Variants in SFMBT2 observed in about 807,000 individuals in gnomAD.
The protein encoded by SFMBT2 is Scm like with four mbt domains 2, also known as scm-like with four MBT domains protein 2.
In SFMBT2, 38 loss-of-function variants were observed where a neutral mutation model predicts 110.1. The observed-to-expected ratio is 0.35, with a 90% CI of 0.27 to 0.45. SFMBT2 has a LOEUF of 0.45. Ranked by LOEUF, SFMBT2 falls within the 20% of genes least tolerant of loss-of-function variation. The probability of loss-of-function intolerance (pLI) is 1.00; values close to 1 mark genes in which losing one functional copy is unlikely to be tolerated. For synonymous variants in SFMBT2, 425 were observed against 425.4 expected (o/e 1.00, Z 0.01); for missense variants, 1,011 against 1,094.9 (o/e 0.92, Z 1.08).
intron 7 of SFMBT2, among the ~76,000 whole-genome samples, chr10:7,257,420 AACC>A (rs772183308): frequency 6.6e-5 from 10 of 152,174 alleles, no homozygotes; most frequent in Non-Finnish European, 1.2e-4. Flanking sequence ...AGGAGGAGTG[AACC>A]ATCGCTGCGG....
intron 12 of SFMBT2, chr10:7,204,543 A>G: frequency 1.1e-6 from 1 of 939,636 alleles, no homozygotes; most frequent in Non-Finnish European, 1.3e-6. Flanking sequence ...GAAGATTTTT[A>G]AATGGTACCA....
intron 12 of SFMBT2, chr10:7,205,253 A>G (rs1218585988): frequency 3.9e-6 from 1 of 256,234 alleles, no homozygotes; most frequent in Non-Finnish European, 6.1e-6. Flanking sequence ...ATTTACTTAT[A>G]TATGTACTTC....
chr10:7,168,383 ATT>A (rs1397982793), intron 20 of SFMBT2, among the ~76,000 whole-genome samples: 1 of 152,016 alleles, frequency 6.6e-6, no homozygotes, highest in East Asian at 1.9e-4. Flanking sequence ...GCCTAACTAA[ATT>A]TTTTTTTATT....
intron 1 of SFMBT2, among the ~76,000 whole-genome samples, chr10:7,402,239 CAG>C (rs776842134): frequency 6.6e-6 from 1 of 151,952 alleles, no homozygotes; most frequent in Non-Finnish European, 1.5e-5. Context: ...GTAAAAGAAT[CAG>C]AGAGATTTTT....
rs548268086 is a variant in SFMBT2, at chr10:7,324,944, C to T, written c.437-38990G>A. Among the ~76,000 whole-genome samples the T allele has an allele frequency of 1.1e-3, 161 of 147,282 alleles. 3 individuals carry two copies. The highest frequency in any genetic ancestry group is 3.9e-3 in the African/African-American group (156 of 39,526). Reference sequence around the variant, plus strand: ...TTATGTCCTCACTGAGCCTTAATTACTTCCTTAGAGGCCCCACTTTTTTTT... The same window carrying T: ...TTATGTCCTCACTGAGCCTTAATTATTTCCTTAGAGGCCCCACTTTTTTTT... On this transcript the variant is annotated intron_variant, in intron 4 of 20. Coordinates refer to ENST00000397167, the MANE Select transcript of SFMBT2 (RefSeq NM_001387889.1).
At chr10:7,390,315 T>G (rs1402367502) in intron 1 of SFMBT2, among the ~76,000 whole-genome samples, 1 of 152,170 alleles carries the variant, frequency 6.6e-6, no homozygotes, top group Non-Finnish European at 1.5e-5. Context: ...GTCTTAAAAG[T>G]TTTAATGTAA....
At chr10:7,404,948 A>G (rs112774474) in intron 1 of SFMBT2, among the ~76,000 whole-genome samples, 75 of 152,354 alleles carry the variant, frequency 4.9e-4, no homozygotes, top group African/African-American at 1.7e-3. Flanking sequence ...TTCTAAGCAG[A>G]CTATCTTCCC....
At chr10:7,270,839 T>C (rs7917758) in intron 7 of SFMBT2, among the ~76,000 whole-genome samples, 3,409 of 152,320 alleles carry the variant, frequency 0.022, 109 homozygotes, top group African/African-American at 0.077. Flanking sequence ...CAGCACATAA[T>C]AGCTTTGTGC....
At position 7,367,708 on chromosome 10, in the gene SFMBT2, G is replaced by A. The variant is rs1056373517; in HGVS notation, c.377C>T (p.Ala126Val). The change falls in exon 4 of 21, where the codon GCG (alanine) becomes GTG (valine). Residue 126 changes from alanine to valine, a missense_variant. Physicochemically the swap from Ala to Val is moderately conservative, Grantham distance 64. Coordinates refer to ENST00000397167, the MANE Select transcript of SFMBT2 (RefSeq NM_001387889.1). The surrounding 1 kb of genome is among the most constrained non-coding windows in gnomAD (Gnocchi z 6.2). ...GCACCACCCCACGGGGTGCAAATCCGCGATGACTACGTCACACCAGAAGTC... is the reference window on the plus strand; with the variant it reads ...GCACCACCCCACGGGGTGCAAATCCACGATGACTACGTCACACCAGAAGTC... ...RADFWCDVVI[A>V]DLHPVGWCTQ... The A allele has an allele frequency of 2.5e-6, 4 of 1,613,968 alleles. No homozygotes were observed. Among genetic ancestry groups the A allele is most frequent in the Non-Finnish European group, 3.4e-6 (4 of 1,180,038 alleles).
At chr10:7,219,017 T>C (rs1763114675) in intron 11 of SFMBT2, among the ~76,000 whole-genome samples, 2 of 152,218 alleles carry the variant, frequency 1.3e-5, no homozygotes, top group South Asian at 4.1e-4. Context: ...GTAATAAGGA[T>C]AAAACATGGG....
rs552262704 is a variant in SFMBT2 at position 7,319,508 on chromosome 10, C to T, written c.437-33554G>A. On this transcript the variant is annotated intron_variant, in intron 4 of 20. Coordinates refer to ENST00000397167, the MANE Select transcript of SFMBT2 (RefSeq NM_001387889.1). ...TCACGTACAAAGGTACACTTATTTC[C>T]GGATGTCTTAAGAAATTCCCAGAGT... 1.9e-4 allele frequency among the ~76,000 whole-genome samples: 29 copies of T among 152,256 alleles called. 1 individual carries two copies. The highest frequency in any genetic ancestry group is 5.2e-4 in the Admixed American group (8 of 15,290).
intron 9 of SFMBT2, among the ~76,000 whole-genome samples, chr10:7,228,745 TCTCTCTCTCTCTC>T (rs1840014517): frequency 1.4e-5 from 1 of 73,900 alleles, no homozygotes; most frequent in Non-Finnish European, 2.9e-5. Context: ...CCTTTCTCTC[TCTCTCTCTCTCTC>T]TCTCTCTCTC....
At position 7,381,805 on chromosome 10, in the gene SFMBT2, C is replaced by G; in HGVS notation, c.94G>C (p.Asp32His). 6.2e-7 allele frequency: 1 copy of G among 1,613,060 alleles called. No individual in the cohort carries two copies. Among genetic ancestry groups the G allele is most frequent in the Non-Finnish European group, 8.5e-7 (1 of 1,179,502 alleles). Residue 32 changes from aspartate (D) to histidine (H), a missense_variant, in exon 2 of 21, where the codon GAT (aspartate) becomes CAT (histidine). Physicochemically the swap from Asp to His is moderately conservative, Grantham distance 81. This residue lies in a region of SFMBT2 where 979 missense variants were observed against 1,016.1 expected (regional missense o/e 0.96). Transcript: ENST00000397167. The stretch of plus-strand genomic sequence containing the variant: ...CTCGAAAACAAAATCCTACCAGAAT[C>G]AAGGTCTCCATTTCCATTAGCTGAG... ...LGSANGNGDL[D>H]SEEGSSLEET... is the part of the protein sequence containing the mutation.
intron 4 of SFMBT2, among the ~76,000 whole-genome samples, chr10:7,302,652 G>A (rs1588431607): frequency 1.3e-5 from 2 of 152,354 alleles, no homozygotes; most frequent in Middle Eastern, 3.4e-3. Context: ...GCATTCCAAA[G>A]TGCGAGGATC....
intron 7 of SFMBT2, among the ~76,000 whole-genome samples, chr10:7,273,899 T>C (rs1024988178): frequency 3.9e-5 from 6 of 152,152 alleles, no homozygotes; most frequent in African/African-American, 1.2e-4. Context: ...AAACTAGAAA[T>C]ACCATTCGAC....
intron 1 of SFMBT2, among the ~76,000 whole-genome samples, chr10:7,399,733 T>C (rs1384612632): frequency 1.3e-5 from 2 of 152,244 alleles, no homozygotes; most frequent in African/African-American, 4.8e-5. Flanking sequence ...AATGTGCTCC[T>C]GGCCTTTAAG....
intron 7 of SFMBT2, among the ~76,000 whole-genome samples, chr10:7,273,280 G>C (rs1239770141): frequency 6.6e-6 from 1 of 152,192 alleles, no homozygotes; most frequent in Non-Finnish European, 1.5e-5. Context: ...GACCAAGATT[G>C]TTAACAATAT....
chr10:7,237,836 G>A (rs1840304974), intron 9 of SFMBT2, among the ~76,000 whole-genome samples: 1 of 152,140 alleles, frequency 6.6e-6, no homozygotes, highest in African/African-American at 2.4e-5. Context: ...GCAAATGTTG[G>A]GAGTGGTGGT....
intron 16 of SFMBT2, 57 bp from the exon 17 acceptor site, chr10:7,176,222 A>G: frequency 1.3e-6 from 2 of 1,548,296 alleles, no homozygotes; most frequent in Non-Finnish European, 1.8e-6. Flanking sequence ...ATTCAGGCCT[A>G]TTCTGTACCA....
Sources: allele counts gnomAD v4.1 joint callset (sites outside exome capture counted in the v4.1 genomes callset), GRCh38; gene constraint gnomAD v4.1.1; regional missense constraint gnomAD v4.1.1; non-coding constraint Gnocchi (gnomAD v3.1); transcripts MANE v1.5; gene names NCBI Gene and HGNC (gene_info 2026-07-23, HGNC 2026-07-21).